Variants in ZNF69 observed in about 807,000 individuals in gnomAD.
ZNF69 encodes the protein ZNF3.
A neutral mutation model predicts 50.9 loss-of-function variants in ZNF69; 47 were observed. The observed-to-expected ratio is 0.92, with a 90% confidence interval of 0.73 to 1.18. ZNF69 has a LOEUF of 1.18. ZNF69 is among the 50% of genes most tolerant of loss of function. ZNF69 has a pLI of 0.00. For missense variants in ZNF69, 717 were observed against 675.1 expected, an observed-to-expected ratio of 1.06 and a Z score of -0.69; for synonymous variants, 216 against 223.1, an observed-to-expected ratio of 0.97 and a Z score of 0.29.
intron 1 of ZNF69, among the ~76,000 whole-genome samples, chr19:11,889,369 A>G (rs997727863): frequency 3.9e-5 from 6 of 151,940 alleles, no homozygotes; most frequent in African/African-American, 1.5e-4. Flanking sequence ...GGCCTGTCTC[A>G]CCTCCCATCC....
At chr19:11,891,913 A>G (rs1318640081) in intron 1 of ZNF69, among the ~76,000 whole-genome samples, 1 of 152,150 alleles carries the variant, frequency 6.6e-6, no homozygotes, top group Non-Finnish European at 1.5e-5. Flanking sequence ...TTGTATAGGG[A>G]AAAGGCAAAT....
At chr19:11,967,751 C>T in the ZNF69 span, among the ~76,000 whole-genome samples, 1 of 152,158 alleles carries the variant, frequency 6.6e-6, no homozygotes, top group Non-Finnish European at 1.5e-5. Context: ...GGAATGTTCT[C>T]TGTTACAGAG....
intron 1 of ZNF69, among the ~76,000 whole-genome samples, chr19:11,896,682 T>C (rs1972129442): frequency 6.6e-6 from 1 of 152,334 alleles, no homozygotes. Context: ...TAATACTATA[T>C]TGGGGGTAGG....
chr19:11,920,488 C>T, the ZNF69 span, among the ~76,000 whole-genome samples: 9 of 152,088 alleles, frequency 5.9e-5, no homozygotes, highest in African/African-American at 2.2e-4. Flanking sequence ...CTATGTTGCC[C>T]AAGGTGGTCA....
the ZNF69 span, among the ~76,000 whole-genome samples, chr19:11,923,911 C>T: frequency 6.6e-6 from 1 of 152,112 alleles, no homozygotes; most frequent in East Asian, 1.9e-4. Flanking sequence ...GGGGGCTTCG[C>T]GGGCAGCCCA....
chr19:11,962,863 A>G, the ZNF69 span, among the ~76,000 whole-genome samples: 8 of 152,090 alleles, frequency 5.3e-5, no homozygotes, highest in Non-Finnish European at 7.4e-5. Flanking sequence ...TCCTCCTCCC[A>G]TCCTCCCTGA....
chr19:11,912,760 C>G (rs1204218066), intron 4 of ZNF69, among the ~76,000 whole-genome samples: 1 of 152,096 alleles, frequency 6.6e-6, no homozygotes, highest in Non-Finnish European at 1.5e-5. Context: ...TGGAAGGACT[C>G]ACACTGGAGA....
intron 1 of ZNF69, among the ~76,000 whole-genome samples, chr19:11,899,830 G>A (rs1972205448): frequency 6.6e-6 from 1 of 152,174 alleles, no homozygotes; most frequent in African/African-American, 2.4e-5. Flanking sequence ...TTCCAAATTG[G>A]CTGTAGAATT....
chr19:11,900,616 T>C (rs1972223555), intron 1 of ZNF69, among the ~76,000 whole-genome samples: 1 of 152,140 alleles, frequency 6.6e-6, no homozygotes, highest in Admixed American at 6.5e-5. Flanking sequence ...CCTCCCAAAG[T>C]GCTGGGATTA....
At chr19:11,908,408 C>A (rs1972410211), downstream of ZNF69, among the ~76,000 whole-genome samples, 1 of 152,190 alleles carries the variant, frequency 6.6e-6, no homozygotes, top group South Asian at 2.1e-4. Flanking sequence ...CCAAAATTGA[C>A]CACATAGTTG....
At chr19:11,971,801 C>T in the ZNF69 span, among the ~76,000 whole-genome samples, 5 of 152,126 alleles carry the variant, frequency 3.3e-5, no homozygotes, top group African/African-American at 1.2e-4. Flanking sequence ...CGGTGGCTCA[C>T]GCCTCTAATC....
chr19:11,963,088 A>AGAGAGAGAGAGAGAGAGAGTGTGTGT, the ZNF69 span, among the ~76,000 whole-genome samples: 57 of 138,314 alleles, frequency 4.1e-4, no homozygotes, highest in Middle Eastern at 3.8e-3. Context: ...AGAGAGAGAG[A>AGAGAGAGAGAGAGAGAGAGTGTGTGT]GTGTGTGTGT....
chr19:11,903,487 A>G, intron 1 of ZNF69, 86 bp from the exon 2 acceptor site: 2 of 1,576,168 alleles, frequency 1.3e-6, no homozygotes, highest in South Asian at 2.3e-5. Context: ...AGTCCACGGC[A>G]TCCTGAGAAC....
rs1450438363 is a variant in ZNF69, at chr19:11,906,151, A to G, written c.*53A>G. ...CTTTGAATGCATGGTAGGACACACAATCAAGAGAAACCATGAATGTAAAGA... is the reference window on the plus strand; with the variant it reads ...CTTTGAATGCATGGTAGGACACACAGTCAAGAGAAACCATGAATGTAAAGA... On this transcript the variant is annotated 3_prime_UTR_variant, in exon 4 of 4. Transcript: ENST00000429654. 3.4e-5 allele frequency: 53 copies of G among 1,580,498 alleles called. No homozygotes were observed. Among genetic ancestry groups the G allele is most frequent in the Non-Finnish European group, 4.4e-5 (52 of 1,169,302 alleles).
At chr19:11,925,721 G>A in the ZNF69 span, among the ~76,000 whole-genome samples, 2 of 152,172 alleles carry the variant, frequency 1.3e-5, no homozygotes. Context: ...AGCAAACAGC[G>A]ATTCACGAAT....
the ZNF69 span, chr19:11,947,264 C>T: frequency 2.5e-6 from 4 of 1,613,930 alleles, no homozygotes; most frequent in Middle Eastern, 1.6e-4. Flanking sequence ...AGAATCTCTT[C>T]AGGGAAGTGA....
downstream of ZNF69, among the ~76,000 whole-genome samples, chr19:11,908,429 A>T (rs990084526): frequency 6.6e-6 from 1 of 152,142 alleles, no homozygotes; most frequent in African/African-American, 2.4e-5. Flanking sequence ...GAAGTAAAGC[A>T]CTCCTCAGCA....
chr19:11,970,176 T>A, the ZNF69 span, among the ~76,000 whole-genome samples: 1 of 152,226 alleles, frequency 6.6e-6, no homozygotes, highest in Non-Finnish European at 1.5e-5. Flanking sequence ...GCCAATCGGA[T>A]GTTGCTAATG....
the ZNF69 span, among the ~76,000 whole-genome samples, chr19:11,921,747 C>G: frequency 6.6e-6 from 1 of 152,116 alleles, no homozygotes; most frequent in Non-Finnish European, 1.5e-5. Context: ...AGGTGATCCA[C>G]CTGCCTCGAC....
Sources: allele counts gnomAD v4.1 joint callset (sites outside exome capture counted in the v4.1 genomes callset), GRCh38; gene constraint gnomAD v4.1.1; transcripts MANE v1.5; gene names NCBI Gene and HGNC (gene_info 2026-07-23, HGNC 2026-07-21).